The following SFSWAP variants were observed in gnomAD, a reference collection of about 807,000 sequenced individuals.
The protein encoded by SFSWAP is splicing factor, suppressor of white-apricot homolog.
Under a neutral mutation model 100.7 loss-of-function variants are expected in SFSWAP, and 17 were observed. The observed-to-expected ratio is 0.17, with a 90% CI of 0.12 to 0.25. SFSWAP has a LOEUF of 0.25. Ranked by LOEUF, SFSWAP falls within the 10% of genes least tolerant of loss-of-function variation. The probability of loss-of-function intolerance (pLI) is 1.00; values close to 1 mark genes in which losing one functional copy is unlikely to be tolerated. For missense variants in SFSWAP, 1,005 were observed against 1,262.6 expected (o/e 0.80, Z 3.09); for synonymous variants, 504 against 510.1 (o/e 0.99, Z 0.16).
chr12:131,797,057 C>G, intron 15 of SFSWAP, 121 bp from the exon 16 acceptor site: 1 of 795,994 alleles, frequency 1.3e-6, no homozygotes, highest in South Asian at 1.7e-5. Flanking sequence ...TGGAGTGGTT[C>G]CGTCCCTGAA....
At chr12:131,788,447 G>A (rs1409030241) in intron 15 of SFSWAP, among the ~76,000 whole-genome samples, 3 of 152,132 alleles carry the variant, frequency 2.0e-5, no homozygotes, top group South Asian at 2.1e-4. Flanking sequence ...TGTAATTACT[G>A]GTTAATTTTG....
intron 14 of SFSWAP, among the ~76,000 whole-genome samples, chr12:131,780,544 CT>C (rs770750154): frequency 6.6e-6 from 1 of 152,114 alleles, no homozygotes; most frequent in Non-Finnish European, 1.5e-5. Flanking sequence ...AACTCCTGAG[CT>C]CAAGCGTAGA....
intron 13 of SFSWAP, among the ~76,000 whole-genome samples, chr12:131,769,369 C>T (rs943968456): frequency 6.6e-6 from 1 of 152,092 alleles, no homozygotes; most frequent in Non-Finnish European, 1.5e-5. Context: ...GTTTTGATAT[C>T]GTTTGTGCAG....
chr12:131,759,074 A>C (rs1460620044), intron 11 of SFSWAP, among the ~76,000 whole-genome samples: 1 of 152,182 alleles, frequency 6.6e-6, no homozygotes, highest in African/African-American at 2.4e-5. Flanking sequence ...GTGACAGAGG[A>C]AGAAAATTAT....
chr12:131,740,562 C>T (rs780875563), intron 7 of SFSWAP, among the ~76,000 whole-genome samples: 2 of 152,172 alleles, frequency 1.3e-5, no homozygotes, highest in Non-Finnish European at 2.9e-5. Flanking sequence ...GCATTGGTGC[C>T]TCTGCTTGAA....
chr12:131,728,484 G>T (rs1008219735), intron 7 of SFSWAP, 56 bp downstream of exon 7: 5 of 1,573,710 alleles, frequency 3.2e-6, no homozygotes, highest in Non-Finnish European at 3.5e-6. Flanking sequence ...GACAGAGCCA[G>T]CTACAGGGCT....
chr12:131,795,463 C>CT (rs1291877206), intron 15 of SFSWAP, among the ~76,000 whole-genome samples: 6 of 152,174 alleles, frequency 3.9e-5, no homozygotes, highest in Non-Finnish European at 8.8e-5. Context: ...GCAGCTCTGT[C>CT]TAAGTTCTGC....
At chr12:131,726,919 G>A in intron 5 of SFSWAP, 21 bp from the exon 6 acceptor site, 1 of 1,425,842 alleles carries the variant, frequency 7.0e-7, no homozygotes. Flanking sequence ...CCAAAATCTT[G>A]AAATGTGATT....
chr12:131,766,661 G>A (rs898925995), intron 13 of SFSWAP, among the ~76,000 whole-genome samples: 9 of 152,176 alleles, frequency 5.9e-5, no homozygotes, highest in Non-Finnish European at 7.3e-5. Flanking sequence ...CCCCGCCTCC[G>A]CAGCAGCACC....
intron 7 of SFSWAP, among the ~76,000 whole-genome samples, chr12:131,749,484 T>C (rs1181303825): frequency 6.6e-6 from 1 of 152,246 alleles, no homozygotes; most frequent in Non-Finnish European, 1.5e-5. Flanking sequence ...TCTTAAAATT[T>C]AGTGTTCACG....
Position 131,714,342 on chromosome 12 carries a change from A to G in SFSWAP, c.388+102A>G. 1.0e-6 allele frequency: 1 copy of G among 1,001,892 alleles called. No individual in the cohort carries two copies. The highest frequency in any genetic ancestry group is 1.5e-6 in the Non-Finnish European group (1 of 682,712). The allele number at this position is 1,001,892 out of a possible 1,614,324, so 62.1% of individuals were successfully genotyped here. ...TTTTTTTATACTCACTCTTTCTGAT[A>G]TTATCTTGACAGTACCCAGTGGATT... On this transcript the variant is annotated intron_variant, in intron 2 of 17. Transcript: ENST00000261674. The surrounding 1 kb of genome is among the most constrained non-coding windows in gnomAD (Gnocchi z 6.0).
At chr12:131,769,196 G>A (rs1015553147) in intron 13 of SFSWAP, among the ~76,000 whole-genome samples, 4 of 151,928 alleles carry the variant, frequency 2.6e-5, no homozygotes, top group Middle Eastern at 3.2e-3. Context: ...TCATGAGGAC[G>A]CTTGTAGCCA....
In SFSWAP at chr12:131,714,878, G is replaced by A. The variant is rs139429077; in HGVS notation, c.445G>A (p.Val149Met). 1.1e-4 allele frequency: 184 copies of A among 1,613,912 alleles called. No homozygotes were observed. Among genetic ancestry groups the A allele is most frequent in the Middle Eastern group, 3.3e-4 (2 of 6,084 alleles). ...ALAEDGSYNA[V>M]GFTYGSDYYD... ...AGCAGAGGATGGGAGCTACAATGCC[G>A]TGGGGTTCACTTACGGTAGCGACTA... The change falls in exon 3 of 18, where the codon GTG becomes ATG. Residue 149 changes from valine to methionine, a missense_variant. Transcript: ENST00000261674. The surrounding 1 kb of genome is among the most constrained non-coding windows in gnomAD (Gnocchi z 6.0).
chr12:131,732,373 G>T (rs1222742281), intron 7 of SFSWAP, among the ~76,000 whole-genome samples: 1 of 152,238 alleles, frequency 6.6e-6, no homozygotes, highest in Admixed American at 6.5e-5. Flanking sequence ...TCAGACTGTT[G>T]TGAGGACGTC....
rs1877364409 is a variant in SFSWAP, at chr12:131,711,688, T to C, written c.218+241T>C. ...CCGTCTCCGGAGGGATCGTCTCTGG[T>C]CCCGCAGCCCCTCTCGACCCCTCAC... On this transcript the variant is annotated intron_variant, in intron 1 of 17. Transcript: ENST00000261674. This position sits in a 1 kb window ranked among gnomAD's most constrained non-coding sequence, Gnocchi z 4.9. The C allele has an allele frequency of 1.9e-6, 1 of 517,006 alleles. No homozygotes were observed. The highest frequency in any genetic ancestry group is 3.5e-6 in the Non-Finnish European group (1 of 287,296). 32.0% of individuals were successfully genotyped at this position (517,006 alleles called of 1,614,324 possible).
In SFSWAP at chr12:131,799,558, A is replaced by G. The variant is rs1885925847; in HGVS notation, c.*70A>G. 1 of 1,344,194 alleles carries G rather than the reference A, an allele frequency of 7.4e-7. No homozygotes were observed. Among genetic ancestry groups the G allele is most frequent in the African/African-American group, 1.5e-5 (1 of 67,774 alleles). The allele number at this position is 1,344,194 out of a possible 1,614,324, so 83.3% of individuals were successfully genotyped here. Reference sequence around the variant, plus strand: ...GGGCAGGCTCACGCAGACGCCGGCCACACCATCCACCTGGCCGCCTCCATG... The same window carrying G: ...GGGCAGGCTCACGCAGACGCCGGCCGCACCATCCACCTGGCCGCCTCCATG... On this transcript the variant is annotated 3_prime_UTR_variant, in exon 18 of 18. Coordinates refer to ENST00000261674, the MANE Select transcript of SFSWAP (RefSeq NM_004592.4).
chr12:131,738,511 T>G (rs1259448003), intron 7 of SFSWAP, among the ~76,000 whole-genome samples: 1 of 152,232 alleles, frequency 6.6e-6, no homozygotes, highest in East Asian at 1.9e-4. Flanking sequence ...AACTTAATTT[T>G]ACTTAAACAG....
In SFSWAP at chr12:131,786,718, A is replaced by C. The variant is rs973707949; in HGVS notation, c.2534+130A>C. ...AGAGGGAGGTGCTGAGTCCCCCACC[A>C]CCCCCCCACCCCCAGTGGCATGGCC... On this transcript the variant is annotated intron_variant, in intron 15 of 17. Coordinates refer to ENST00000261674, the MANE Select transcript of SFSWAP (RefSeq NM_004592.4). 4.4e-4 allele frequency: 383 copies of C among 866,638 alleles called. 1 individual carries two copies. In the East Asian group the frequency reaches 0.01, roughly 23 times the overall value. 53.7% of individuals were successfully genotyped at this position (866,638 alleles called of 1,614,324 possible).
chr12:131,777,788 A>G (rs991899500), intron 13 of SFSWAP, among the ~76,000 whole-genome samples: 4 of 152,180 alleles, frequency 2.6e-5, no homozygotes, highest in African/African-American at 9.7e-5. Flanking sequence ...TAATACTCTA[A>G]TACTGTGCTC....
Sources: allele counts gnomAD v4.1 joint callset (sites outside exome capture counted in the v4.1 genomes callset), GRCh38; gene constraint gnomAD v4.1.1; non-coding constraint Gnocchi (gnomAD v3.1); transcripts MANE v1.5; gene names NCBI Gene and HGNC (gene_info 2026-07-23, HGNC 2026-07-21).